The following GPR137C variants were observed in gnomAD, a reference collection of about 807,000 sequenced individuals.
GPR137C encodes integral membrane protein GPR137C.
Under a neutral mutation model 43.4 loss-of-function variants are expected in GPR137C, and 27 were observed. That is an observed-to-expected ratio of 0.62 (90% CI 0.46 to 0.86). The LOEUF is 0.86. Among genes scored for constraint, GPR137C ranks in the 40% least tolerant of loss-of-function variants. The pLI is 0.00. For missense variants in GPR137C, 522 were observed against 534.6 expected (o/e 0.98, Z 0.23); for synonymous variants, 285 against 226.9 (o/e 1.26, Z -2.30).
At chr14:52,590,111 G>A (rs559035671) in intron 1 of GPR137C, among the ~76,000 whole-genome samples, 1 of 152,196 alleles carries the variant, frequency 6.6e-6, no homozygotes, top group Admixed American at 6.5e-5. Flanking sequence ...ACCTTCCAGT[G>A]GCACAAGATG....
chr14:52,553,355 C>T lies in GPR137C; in HGVS notation c.208C>T (p.Arg70Trp). Residue 70 changes from arginine to tryptophan, a missense_variant, in exon 1 of 7, where the codon CGG becomes TGG. By Grantham distance (101) the Arg-to-Trp change is moderately radical. Transcript: ENST00000321662. ...LFAFAYLQLW[R>W]LLLYRERRLS... The stretch of plus-strand genomic sequence containing the variant: ...CGCCTTTGCCTACCTGCAGCTGTGG[C>T]GGCTGCTCCTGTACCGCGAGCGGCG... 1.2e-6 allele frequency: 2 copies of T among 1,602,164 alleles called. No individual in the cohort carries two copies. Among genetic ancestry groups the T allele is most frequent in the South Asian group, 1.1e-5 (1 of 90,548 alleles).
At chr14:52,604,429 T>G (rs527567375) in intron 3 of GPR137C, among the ~76,000 whole-genome samples, 1 of 151,726 alleles carries the variant, frequency 6.6e-6, no homozygotes, top group African/African-American at 2.4e-5. Flanking sequence ...TTTTTGTAGA[T>G]GGTGAGAGAT....
intron 3 of GPR137C, chr14:52,612,418 A>T (rs751744879): frequency 5.9e-5 from 58 of 981,080 alleles, no homozygotes; most frequent in Non-Finnish European, 6.3e-5. Context: ...GTCAGCCTCC[A>T]TAATGTTAAT....
Position 52,633,461 on chromosome 14 carries a change from G to A in GPR137C, c.868-69G>A, listed in dbSNP as rs1162698656. 4.6e-5 allele frequency: 62 copies of A among 1,361,206 alleles called. No homozygotes were observed. The South Asian group carries it at 7.5e-4, about 16-fold the overall frequency. 84.3% of individuals were successfully genotyped at this position (1,361,206 alleles called of 1,614,324 possible). Reference sequence around the variant, plus strand: ...TTTTATCTTACCTGACTTGAAACAAGTTAACTGTGGAGGTGATTGCTTATA... The same window carrying A: ...TTTTATCTTACCTGACTTGAAACAAATTAACTGTGGAGGTGATTGCTTATA... On this transcript the variant is annotated intron_variant, in intron 4 of 6. Coordinates refer to ENST00000321662, the MANE Select transcript of GPR137C (RefSeq NM_001099652.2).
intron 3 of GPR137C, among the ~76,000 whole-genome samples, chr14:52,602,202 C>T (rs561475433): frequency 3.2e-4 from 49 of 151,752 alleles, no homozygotes; most frequent in Non-Finnish European, 6.8e-4. Flanking sequence ...TCACTAGACT[C>T]ATTTTTGACT....
At chr14:52,603,008 T>G (rs1410717946) in intron 3 of GPR137C, among the ~76,000 whole-genome samples, 1 of 152,182 alleles carries the variant, frequency 6.6e-6, no homozygotes, top group Non-Finnish European at 1.5e-5. Flanking sequence ...AAATTGTTAT[T>G]AACTATAATT....
At chr14:52,587,518 C>A (rs1303610565) in intron 1 of GPR137C, among the ~76,000 whole-genome samples, 2 of 152,200 alleles carry the variant, frequency 1.3e-5, no homozygotes, top group Non-Finnish European at 2.9e-5. Context: ...TGCCTATAAT[C>A]CCAGTACTTT....
chr14:52,587,925 T>G (rs1156652775), intron 1 of GPR137C, among the ~76,000 whole-genome samples: 1 of 152,236 alleles, frequency 6.6e-6, no homozygotes, highest in South Asian at 2.1e-4. Flanking sequence ...TGTGATCAGA[T>G]GTACTTTTTT....
intron 3 of GPR137C, among the ~76,000 whole-genome samples, chr14:52,617,907 A>C (rs2039117609): frequency 1.3e-5 from 2 of 152,220 alleles, no homozygotes; most frequent in Admixed American, 6.5e-5. Flanking sequence ...TAAATTAAAA[A>C]ATACATAAAA....
intron 1 of GPR137C, among the ~76,000 whole-genome samples, chr14:52,577,122 G>A (rs901656290): frequency 1.4e-5 from 2 of 144,232 alleles, no homozygotes; most frequent in Non-Finnish European, 3.0e-5. Context: ...GGGGGGCGGA[G>A]GTTGCAATAA....
chr14:52,592,326 G>A (rs2038795386), intron 1 of GPR137C, among the ~76,000 whole-genome samples: 2 of 152,060 alleles, frequency 1.3e-5, no homozygotes, highest in Admixed American at 1.3e-4. Context: ...CTCTTTTTTG[G>A]TTCCATATGA....
chr14:52,607,340 T>C (rs2038993677), intron 3 of GPR137C, among the ~76,000 whole-genome samples: 1 of 152,196 alleles, frequency 6.6e-6, no homozygotes, highest in African/African-American at 2.4e-5. Context: ...CAATGTTTCT[T>C]TGTTGATTTT....
intron 1 of GPR137C, among the ~76,000 whole-genome samples, chr14:52,591,842 G>A (rs750113608): frequency 1.6e-4 from 25 of 152,094 alleles, no homozygotes; most frequent in Non-Finnish European, 2.2e-4. Context: ...GATCCCATTT[G>A]TATATTTTGG....
At chr14:52,614,275 C>T (rs2039072498) in intron 3 of GPR137C, among the ~76,000 whole-genome samples, 1 of 151,820 alleles carries the variant, frequency 6.6e-6, no homozygotes, top group South Asian at 2.1e-4. Context: ...CATGCACCAC[C>T]ACACCTGGCT....
At chr14:52,628,943 T>A (rs756132625) in intron 3 of GPR137C, among the ~76,000 whole-genome samples, 2 of 152,254 alleles carry the variant, frequency 1.3e-5, no homozygotes, top group Non-Finnish European at 2.9e-5. Context: ...ACTCATTGAT[T>A]TAATAAGACA....
At chr14:52,564,967 C>T (rs1456191994) in intron 1 of GPR137C, among the ~76,000 whole-genome samples, 2 of 152,030 alleles carry the variant, frequency 1.3e-5, no homozygotes, top group Non-Finnish European at 2.9e-5. Context: ...ACAAAAGTCC[C>T]AAAATCAGAT....
chr14:52,606,119 G>A (rs1451148166), intron 3 of GPR137C, among the ~76,000 whole-genome samples: 1 of 152,138 alleles, frequency 6.6e-6, no homozygotes, highest in African/African-American at 2.4e-5. Context: ...AGCAGAATTG[G>A]TATTAGTTCT....
chr14:52,575,991 G>C (rs755595961), intron 1 of GPR137C, among the ~76,000 whole-genome samples: 3 of 152,076 alleles, frequency 2.0e-5, no homozygotes, highest in Non-Finnish European at 4.4e-5. Flanking sequence ...TTTTACTGGG[G>C]GTTGGTCATA....
chr14:52,566,182 A>G (rs2038366938), intron 1 of GPR137C, among the ~76,000 whole-genome samples: 1 of 152,168 alleles, frequency 6.6e-6, no homozygotes, highest in Non-Finnish European at 1.5e-5. Flanking sequence ...AATATTTCAA[A>G]TTTGTACCTT....
Sources: allele counts gnomAD v4.1 joint callset (sites outside exome capture counted in the v4.1 genomes callset), GRCh38; gene constraint gnomAD v4.1.1; transcripts MANE v1.5; gene names NCBI Gene and HGNC (gene_info 2026-07-23, HGNC 2026-07-21).